ZNF451: variants seen among roughly 807,000 people sequenced by gnomAD.
ZNF451 encodes E3 SUMO-protein ligase ZNF451.
ZNF451 carries 80 observed loss-of-function variants against 107.1 expected under a neutral mutation model. The observed-to-expected ratio is 0.75, with a 90% CI of 0.62 to 0.90. ZNF451 has a LOEUF of 0.90. ZNF451 is among the 40% of genes least tolerant of loss of function. ZNF451 has a pLI of 0.00. For missense variants in ZNF451, 1,107 were observed against 1,236.2 expected, an observed-to-expected ratio of 0.90 and a Z score of 1.57; for synonymous variants, 362 against 406.5, an observed-to-expected ratio of 0.89 and a Z score of 1.32.
At chr6:57,092,903 T>A (rs1034670357) in intron 2 of ZNF451, 2 of 152,142 alleles carry the variant, frequency 1.3e-5, no homozygotes, top group Non-Finnish European at 2.9e-5. Flanking sequence ...AAATGGGCCC[T>A]CTCATTTAAA....
chr6:57,146,703 T>C (rs2127978167), intron 9 of ZNF451, among the ~76,000 whole-genome samples: 1 of 152,278 alleles, frequency 6.6e-6, no homozygotes, highest in South Asian at 2.1e-4. Context: ...TATTAAAGAA[T>C]AGGAACTGGG....
intron 11 of ZNF451, 163 bp from the exon 12 acceptor site, chr6:57,152,058 C>A: frequency 1.8e-6 from 1 of 559,304 alleles, no homozygotes; most frequent in Non-Finnish European, 3.0e-6. Context: ...GACTTTAAAG[C>A]AACAAGATGT....
At chr6:57,165,381 C>A (rs1426618614) in intron 14 of ZNF451, 1 of 151,666 alleles carries the variant, frequency 6.6e-6, no homozygotes. Flanking sequence ...TGATGTCCCA[C>A]AGGTCCCTTG....
chr6:57,157,622 A>C (rs956878790), intron 13 of ZNF451, among the ~76,000 whole-genome samples: 2 of 152,190 alleles, frequency 1.3e-5, no homozygotes, highest in Admixed American at 1.3e-4. Flanking sequence ...TAAAAAGTCT[A>C]TTAACTTTAA....
chr6:57,157,210 A>G (rs1270322035), intron 13 of ZNF451, among the ~76,000 whole-genome samples: 5 of 152,212 alleles, frequency 3.3e-5, no homozygotes, highest in Non-Finnish European at 7.3e-5. Flanking sequence ...CATCAGCAGG[A>G]CTAAAAAGTG....
intron 13 of ZNF451, 125 bp downstream of exon 13, chr6:57,154,172 T>A (rs1458677911): frequency 1.2e-6 from 1 of 863,058 alleles, no homozygotes; most frequent in African/African-American, 1.7e-5. Context: ...GTTCTCTTAC[T>A]TCTATCTTAC....
intron 3 of ZNF451, among the ~76,000 whole-genome samples, chr6:57,111,684 T>C (rs2127949230): frequency 6.6e-6 from 1 of 152,328 alleles, no homozygotes; most frequent in South Asian, 2.1e-4. Flanking sequence ...CCTGGCCGTA[T>C]ATTTTAAAAA....
intron 3 of ZNF451, among the ~76,000 whole-genome samples, chr6:57,114,111 TCTA>T (rs1830253473): frequency 6.6e-6 from 1 of 152,194 alleles, no homozygotes; most frequent in African/African-American, 2.4e-5. Context: ...AAATTTAGCT[TCTA>T]CTAAAAATTT....
chr6:57,155,763 G>T (rs1021994053), intron 13 of ZNF451, among the ~76,000 whole-genome samples: 4 of 150,980 alleles, frequency 2.6e-5, no homozygotes, highest in Non-Finnish European at 5.9e-5. Flanking sequence ...TAAGATACAG[G>T]TTATTAATAT....
intron 3 of ZNF451, among the ~76,000 whole-genome samples, chr6:57,111,486 T>C (rs1830113757): frequency 1.3e-5 from 2 of 152,152 alleles, no homozygotes; most frequent in South Asian, 2.1e-4. Flanking sequence ...GTTCAAGCGA[T>C]TCTCTTGCCT....
rs1265151968 is a variant in ZNF451, at chr6:57,090,265, G to A, written c.12G>A (p.Pro4=). Residue 4 remains proline (P), a synonymous_variant, in exon 1 of 15, where the codon CCG becomes CCA. Coordinates refer to ENST00000370706, the MANE Select transcript of ZNF451 (RefSeq NM_001031623.3). MGD[P]GSEIIESVPP... is the part of the protein sequence containing the mutation. ...CGGCCGTCGGAGACATGGGAGACCC[G>A]GGGTCGGAGGTGAGTAGTCGAGTGA... 2.5e-6 allele frequency: 4 copies of A among 1,611,316 alleles called. No individual in the cohort carries two copies. The highest frequency in any genetic ancestry group is 4.5e-5 in the East Asian group (2 of 44,834).
At chr6:57,157,036 G>T (rs566756204) in intron 13 of ZNF451, among the ~76,000 whole-genome samples, 26 of 152,306 alleles carry the variant, frequency 1.7e-4, no homozygotes, top group African/African-American at 6.3e-4. Context: ...TGGCCCTGGG[G>T]TTGGGGACTC....
In ZNF451 at chr6:57,141,328, C is replaced by A; in HGVS notation, c.729C>A (p.Asn243Lys). 6.2e-7 allele frequency: 1 copy of A among 1,611,734 alleles called. No individual in the cohort carries two copies. The highest frequency in any genetic ancestry group is 8.5e-7 in the Non-Finnish European group (1 of 1,178,832). ...DKEATDDGHN[N>K]NLLPQIIQCF... ...AAGCCACAGATGATGGACATAACAA[C>A]AACCTTCTTCCTCAGATTATTCAGT... Residue 243 changes from asparagine to lysine, a missense_variant, in exon 8 of 15, where the codon AAC becomes AAA. Around this residue, in one of 5 missense-constraint regions of ZNF451, gnomAD observed 339 missense variants for 372.8 expected, o/e 0.91. Transcript: ENST00000370706.
At chr6:57,136,550 AT>A (rs1434796790) in intron 7 of ZNF451, among the ~76,000 whole-genome samples, 1 of 152,156 alleles carries the variant, frequency 6.6e-6, no homozygotes, top group African/African-American at 2.4e-5. Flanking sequence ...AGGGTTATCC[AT>A]TTCCATGACA....
rs894998173 is a variant in ZNF451, at chr6:57,103,219, T to C, written c.186+4078T>C. On this transcript the variant is annotated intron_variant, in intron 3 of 14. Transcript: ENST00000370706. ...AAAGAGGGATACCATCAGTCTAGAT[T>C]TTATTGAGAATCCTTAAGATTTAAA... The C allele has an allele frequency of 9.1e-6, 9 of 985,278 alleles. No homozygotes were observed. In the African/African-American group the frequency reaches 1.4e-4, roughly 15 times the overall value. The allele number at this position is 985,278 out of a possible 1,614,324, so 61.0% of individuals were successfully genotyped here.
At chr6:57,091,486 T>C (rs1829041747) in intron 2 of ZNF451, 1 of 150,670 alleles carries the variant, frequency 6.6e-6, no homozygotes, top group Non-Finnish European at 1.5e-5. Flanking sequence ...TGGGCCCCAC[T>C]GCAGACCTAC....
At position 57,134,760 on chromosome 6, in the gene ZNF451, T is replaced by C; in HGVS notation, c.592T>C (p.Cys198Arg). Residue 198 changes from cysteine (C) to arginine (R), a missense_variant, in exon 7 of 15, where the codon TGT becomes CGT. By Grantham distance (180) the Cys-to-Arg change is radical (BLOSUM62 -3). Coordinates refer to ENST00000370706, the MANE Select transcript of ZNF451 (RefSeq NM_001031623.3). The part of the protein sequence containing the change: ...GHLKRFDHSP[C>R]DPTITLHGPF... ...GCTGAGTAGGTTCGATCACTCTCCA[T>C]GTGATCCAACAATTACACTACATGG... The C allele has an allele frequency of 6.2e-7, 1 of 1,613,174 alleles. No homozygotes were observed. Among genetic ancestry groups the C allele is most frequent in the Non-Finnish European group, 8.5e-7 (1 of 1,179,626 alleles).
intron 2 of ZNF451, among the ~76,000 whole-genome samples, chr6:57,097,031 A>T (rs1296534244): frequency 6.6e-6 from 1 of 151,964 alleles, no homozygotes. Context: ...CTGCCTCCCA[A>T]GGTGCTGGAA....
intron 4 of ZNF451, among the ~76,000 whole-genome samples, chr6:57,125,122 A>G (rs1169831056): frequency 6.6e-6 from 1 of 152,188 alleles, no homozygotes; most frequent in African/African-American, 2.4e-5. Flanking sequence ...GGATTTCTCA[A>G]AACAGATGAG....
Sources: gnomAD v4.1 joint callset for allele counts (sites outside exome capture counted in the v4.1 genomes callset) on GRCh38, gnomAD v4.1.1 for gene constraint, gnomAD v4.1.1 regional missense constraint, MANE v1.5 for transcripts, NCBI Gene and HGNC (gene_info 2026-07-23, HGNC 2026-07-21) for gene names.